The following ERLEC1 variants were observed in gnomAD, a reference collection of about 807,000 sequenced individuals.
ERLEC1 encodes endoplasmic reticulum lectin 1, also known as ER lectin.
A neutral mutation model predicts 68.0 loss-of-function variants in ERLEC1; 47 were observed. The ratio of observed to expected loss-of-function variants is 0.69; its 90% confidence interval spans 0.55 to 0.88. The LOEUF is 0.88. ERLEC1 is among the 40% of genes least tolerant of loss of function. The pLI, the probability that ERLEC1 is intolerant of heterozygous loss-of-function variation, is 0.00. For missense variants in ERLEC1, 567 were observed against 583.8 expected (o/e 0.97, Z 0.30); for synonymous variants, 225 against 203.2 (o/e 1.11, Z -0.91).
intron 2 of ERLEC1, among the ~76,000 whole-genome samples, chr2:53,795,050 A>G (rs546771337): frequency 6.6e-6 from 1 of 152,334 alleles, no homozygotes; most frequent in Admixed American, 6.5e-5. Context: ...TTTTAAATGT[A>G]TATGTGACTT....
chr2:53,801,381 ACT>A lies in ERLEC1; in HGVS notation c.526-13_526-12del, dbSNP rs1675995047. 1.9e-6 allele frequency: 3 copies of A among 1,601,240 alleles called. No individual in the cohort carries two copies. The highest frequency in any genetic ancestry group is 2.7e-5 in the African/African-American group (2 of 74,476). ...ATGTCTAATGAAAAGTCTGTCTTATACTCTTTTTTTTTAAGATTCCCACTAAA... is the reference window on the plus strand; with the variant it reads ...ATGTCTAATGAAAAGTCTGTCTTATACTTTTTTTTTAAGATTCCCACTAAA... On this transcript the variant is annotated splice_polypyrimidine_tract_variant and intron_variant, in intron 6 of 13. Transcript: ENST00000185150.
intron 10 of ERLEC1, among the ~76,000 whole-genome samples, chr2:53,811,979 G>A (rs1015469863): frequency 7.9e-5 from 12 of 152,068 alleles, no homozygotes; most frequent in African/African-American, 1.4e-4. Flanking sequence ...GTGCAATGGC[G>A]CAATCTTGGC....
At chr2:53,787,539 A>G in intron 1 of ERLEC1, 167 bp downstream of exon 1, 1 of 728,598 alleles carries the variant, frequency 1.4e-6, no homozygotes, top group Non-Finnish European at 2.1e-6. Flanking sequence ...GTTCGTTCTC[A>G]CGTTATGTGG....
At chr2:53,801,682 A>G (rs1676014553) in intron 7 of ERLEC1, 31 bp from the exon 8 acceptor site, 1 of 1,613,686 alleles carries the variant, frequency 6.2e-7, no homozygotes, top group Admixed American at 1.7e-5. Context: ...TGTTCTGTGC[A>G]TAGCTTTAAT....
In ERLEC1 at chr2:53,808,420, T is replaced by A; in HGVS notation, c.1001T>A (p.Leu334His). 6.2e-7 allele frequency: 1 copy of A among 1,614,144 alleles called. No homozygotes were observed. The highest frequency in any genetic ancestry group is 8.5e-7 in the Non-Finnish European group (1 of 1,180,018). Residue 334 changes from leucine to histidine, a missense_variant, in exon 9 of 14, where the codon CTC (leucine) becomes CAC (histidine). Leu to His is a moderately conservative substitution (Grantham distance 99). Transcript: ENST00000185150. ...ATATCCAAATTGACAGATGACCAAC[T>A]CATAAAAGAGTTTCTTAGTGGTTCT... is the stretch of plus-strand genomic sequence containing the variant. Reference protein sequence around the residue: ...THISKLTDDQLIKEFLSGSYC... With the variant: ...THISKLTDDQHIKEFLSGSYC...
intron 10 of ERLEC1, 53 bp downstream of exon 10, chr2:53,809,326 G>A (rs1676465848): frequency 2.4e-6 from 3 of 1,247,294 alleles, no homozygotes; most frequent in Non-Finnish European, 3.3e-6. Flanking sequence ...TAAAGTTTAA[G>A]AATCTGTTGT....
intron 8 of ERLEC1, among the ~76,000 whole-genome samples, chr2:53,804,195 G>A (rs142076348): frequency 0.017 from 2,658 of 152,218 alleles, 83 homozygotes; most frequent in African/African-American, 0.061. Flanking sequence ...ATTTTTGTGG[G>A]TACATAGCAG....
chr2:53,801,268 AGAAGT>A (rs1675987304), intron 6 of ERLEC1, 124 bp from the exon 7 acceptor site: 1 of 613,210 alleles, frequency 1.6e-6, no homozygotes, highest in Non-Finnish European at 2.8e-6. Flanking sequence ...CTTAAAATAT[AGAAGT>A]GTTACCTTTC....
At chr2:53,792,635 T>A (rs1483285280) in intron 1 of ERLEC1, among the ~76,000 whole-genome samples, 1 of 152,086 alleles carries the variant, frequency 6.6e-6, no homozygotes, top group Non-Finnish European at 1.5e-5. Context: ...CTGCTTTGTT[T>A]TGTTTTTTTT....
intron 1 of ERLEC1, among the ~76,000 whole-genome samples, chr2:53,789,658 G>C (rs983799943): frequency 6.6e-6 from 1 of 152,048 alleles, no homozygotes; most frequent in Non-Finnish European, 1.5e-5. Context: ...AGCCACAATA[G>C]TCATTATCAT....
In ERLEC1 at chr2:53,809,128, T is replaced by C. The variant is rs535596913; in HGVS notation, c.1042-86T>C. ...CTATTGCTTTTACAGGTTTTAAAAA[T>C]AACATGTATTTCCATTACTGTCATG... On this transcript the variant is annotated intron_variant, in intron 9 of 13. Coordinates refer to ENST00000185150, the MANE Select transcript of ERLEC1 (RefSeq NM_015701.5). 7.8e-6 allele frequency: 7 copies of C among 895,898 alleles called. No homozygotes were observed. In the East Asian group the frequency reaches 1.9e-4, roughly 24 times the overall value. The allele number at this position is 895,898 out of a possible 1,614,324, so 55.5% of individuals were successfully genotyped here.
intron 8 of ERLEC1, among the ~76,000 whole-genome samples, chr2:53,804,781 C>G (rs188244162): frequency 6.6e-6 from 1 of 152,050 alleles, no homozygotes; most frequent in Non-Finnish European, 1.5e-5. Context: ...ACCCATTAAC[C>G]ATCCCCACCT....
At chr2:53,789,967 C>T (rs1030867476) in intron 1 of ERLEC1, among the ~76,000 whole-genome samples, 7 of 148,206 alleles carry the variant, frequency 4.7e-5, no homozygotes, top group South Asian at 2.2e-4. Flanking sequence ...TGCAGTGATC[C>T]GAGATCATGC....
intron 1 of ERLEC1, among the ~76,000 whole-genome samples, chr2:53,789,539 G>A (rs946536999): frequency 1.3e-5 from 2 of 152,142 alleles, no homozygotes; most frequent in Non-Finnish European, 2.9e-5. Context: ...AGGACTACAG[G>A]TGGTCACCAT....
At position 53,787,197 on chromosome 2, in the gene ERLEC1, AGCGGCGGCGGAGGATGGAGGAAGGAG is replaced by A; in HGVS notation, c.-4_22del. ...GGAGGTTGTGGCGGTGGCTGGAGAA[AGCGGCGGCGGAGGATGGAGGAAGGAG>A]GCGGCGGCGTACGGAGTCTGGTCCC... On this transcript the variant is annotated start_lost and 5_prime_UTR_variant, in exon 1 of 14. Transcript: ENST00000185150. 1 of 1,590,966 alleles carries A rather than the reference AGCGGCGGCGGAGGATGGAGGAAGGAG, an allele frequency of 6.3e-7. No individual in the cohort carries two copies. Among genetic ancestry groups the A allele is most frequent in the Non-Finnish European group, 8.5e-7 (1 of 1,171,674 alleles).
At chr2:53,805,338 A>ATTTATT (rs766378489) in intron 8 of ERLEC1, among the ~76,000 whole-genome samples, 3 of 151,898 alleles carry the variant, frequency 2.0e-5, no homozygotes, top group Non-Finnish European at 4.4e-5. Context: ...TCTTATTCTT[A>ATTTATT]TTTATTGCTG....
intron 8 of ERLEC1, among the ~76,000 whole-genome samples, chr2:53,805,550 G>A (rs1558601396): frequency 6.6e-6 from 1 of 152,110 alleles, no homozygotes; most frequent in Non-Finnish European, 1.5e-5. Context: ...TTCATCTGTT[G>A]ATGGACACTT....
At chr2:53,787,492 C>A in intron 1 of ERLEC1, 120 bp downstream of exon 1, 1 of 1,183,834 alleles carries the variant, frequency 8.4e-7, no homozygotes, top group Non-Finnish European at 1.2e-6. Context: ...TTACCTTCCC[C>A]AAGCCAAAGC....
At chr2:53,804,755 AAG>A (rs974047302) in intron 8 of ERLEC1, among the ~76,000 whole-genome samples, 6 of 151,994 alleles carry the variant, frequency 3.9e-5, no homozygotes, top group Non-Finnish European at 8.8e-5. Flanking sequence ...TGTTCATTCT[AAG>A]AGGTTTTTTT....
Sources: allele counts gnomAD v4.1 joint callset (sites outside exome capture counted in the v4.1 genomes callset), GRCh38; gene constraint gnomAD v4.1.1; transcripts MANE v1.5; gene names NCBI Gene and HGNC (gene_info 2026-07-23, HGNC 2026-07-21).